MYZAP: variants seen among roughly 807,000 people sequenced by gnomAD.
The protein encoded by MYZAP is GRINL1A complex locus upstream.
In MYZAP, 66 loss-of-function variants were observed where a neutral mutation model predicts 69.4. The ratio of observed to expected loss-of-function variants is 0.95; its 90% CI spans 0.78 to 1.17. The LOEUF is 1.17. MYZAP is among the 50% of genes most tolerant of loss of function. MYZAP has a pLI of 0.00. For missense variants in MYZAP, 611 were observed against 556.2 expected, an observed-to-expected ratio of 1.10 and a Z score of -0.99; for synonymous variants, 256 against 205.9, an observed-to-expected ratio of 1.24 and a Z score of -2.09.
chr15:57,595,813 C>G (rs374161699), intron 1 of MYZAP, among the ~76,000 whole-genome samples: 4 of 152,308 alleles, frequency 2.6e-5, no homozygotes, highest in Non-Finnish European at 1.5e-5. Context: ...CTAGCCTGCC[C>G]TTGCTGATAT....
intron 10 of MYZAP, among the ~76,000 whole-genome samples, chr15:57,650,066 C>A (rs1328518331): frequency 6.6e-6 from 1 of 152,126 alleles, no homozygotes; most frequent in Non-Finnish European, 1.5e-5. Context: ...AATAATGATC[C>A]ATGTAGAATT....
At chr15:57,660,357 C>A (rs2038225189) in intron 10 of MYZAP, among the ~76,000 whole-genome samples, 1 of 152,180 alleles carries the variant, frequency 6.6e-6, no homozygotes, top group African/African-American at 2.4e-5. Context: ...CTTTGTCACC[C>A]AGGCTAGGGT....
chr15:57,655,093 G>T (rs545377037), intron 10 of MYZAP, among the ~76,000 whole-genome samples: 1 of 152,274 alleles, frequency 6.6e-6, no homozygotes, highest in East Asian at 1.9e-4. Flanking sequence ...AACAGGGGTA[G>T]GTTCAAAGGC....
intron 1 of MYZAP, among the ~76,000 whole-genome samples, chr15:57,597,977 A>G (rs1289804446): frequency 3.3e-5 from 5 of 152,216 alleles, no homozygotes; most frequent in Non-Finnish European, 7.3e-5. Context: ...CACAGTCACA[A>G]AGTGGAACAG....
At chr15:57,682,032 G>A (rs2039472389) in intron 12 of MYZAP, among the ~76,000 whole-genome samples, 1 of 152,124 alleles carries the variant, frequency 6.6e-6, no homozygotes, top group African/African-American at 2.4e-5. Context: ...GTTGGGATAA[G>A]GAATGTAGCT....
In MYZAP at chr15:57,644,325, C is replaced by G. The variant is rs968947090; in HGVS notation, c.1119+4780C>G. 5.9e-5 allele frequency among the ~76,000 whole-genome samples: 9 copies of G among 152,270 alleles called. No homozygotes were observed. In the East Asian group the frequency reaches 1.3e-3, roughly 23 times the overall value. On this transcript the variant is annotated intron_variant, in intron 10 of 12. Coordinates refer to ENST00000267853, the MANE Select transcript of MYZAP (RefSeq NM_001018100.5). The stretch of plus-strand genomic sequence containing the variant: ...AGCCAGGGAGACAGTCACCAGGGAC[C>G]AGGAGCACAGAAGTGAGAAAGCTGG...
At position 57,604,275 on chromosome 15, in the gene MYZAP, G is replaced by A; in HGVS notation, c.82G>A (p.Val28Ile). The change falls in exon 2 of 13, where the codon GTT becomes ATT. Residue 28 changes from valine to isoleucine, a missense_variant. By Grantham distance (29) the Val-to-Ile change is conservative (BLOSUM62 3). Coordinates refer to ENST00000267853, the MANE Select transcript of MYZAP (RefSeq NM_001018100.5). ...TPGAPSRRAN[V>I]CRLRLTVPPE... ...TCCTTTCCCTCTCTTCTAGGCAAAT[G>A]TTTGCAGACTACGGCTGACCGTACC... The A allele has an allele frequency of 1.2e-6, 2 of 1,614,194 alleles. No homozygotes were observed. The highest frequency in any genetic ancestry group is 1.1e-5 in the South Asian group (1 of 91,078).
intron 8 of MYZAP, among the ~76,000 whole-genome samples, chr15:57,636,802 G>A (rs1323631840): frequency 4.6e-5 from 7 of 152,124 alleles, no homozygotes; most frequent in African/African-American, 1.2e-4. Flanking sequence ...CAAAGTGCAC[G>A]GCTTAGTGCG....
chr15:57,643,977 G>A (rs777550127), intron 10 of MYZAP, among the ~76,000 whole-genome samples: 5 of 152,192 alleles, frequency 3.3e-5, no homozygotes, highest in Non-Finnish European at 5.9e-5. Context: ...AAGTGCAAAG[G>A]TGCAAGGAAT....
chr15:57,591,989 C>G lies in MYZAP; in HGVS notation c.-46C>G, dbSNP rs976399795. 6.4e-6 allele frequency: 9 copies of G among 1,404,668 alleles called. No homozygotes were observed. Among genetic ancestry groups the G allele is most frequent in the Admixed American group, 5.8e-5 (2 of 34,404 alleles). 87.0% of individuals were successfully genotyped at this position (1,404,668 alleles called of 1,614,324 possible). A position where few individuals can be genotyped will look rare whatever the true frequency, so the allele number is the denominator to read the frequency against. On this transcript the variant is annotated 5_prime_UTR_variant, in exon 1 of 13. Coordinates refer to ENST00000267853, the MANE Select transcript of MYZAP (RefSeq NM_001018100.5). The stretch of plus-strand genomic sequence containing the variant: ...GCGGGCCCCGCACGCTTATTCTGCC[C>G]GGGAGGAACGCCGGCGTCCAGCCCG...
chr15:57,630,606 A>T (rs1040538884), intron 6 of MYZAP, among the ~76,000 whole-genome samples: 15 of 152,284 alleles, frequency 9.9e-5, no homozygotes, highest in African/African-American at 3.6e-4. Context: ...TTGGCCCCCT[A>T]GGCTGGGAGC....
At chr15:57,620,304 T>A in intron 3 of MYZAP, among the ~76,000 whole-genome samples, 1 of 152,202 alleles carries the variant, frequency 6.6e-6, no homozygotes, top group East Asian at 1.9e-4. Context: ...TAAAACAATG[T>A]GCTTCAAAAT....
At chr15:57,664,930 A>G (rs182659827) in intron 11 of MYZAP, among the ~76,000 whole-genome samples, 5 of 152,192 alleles carry the variant, frequency 3.3e-5, no homozygotes, top group African/African-American at 1.2e-4. Flanking sequence ...ATGATGATTA[A>G]ATATGTTAAT....
At position 57,596,737 on chromosome 15, in the gene MYZAP, G is replaced by C. The variant is rs901503454; in HGVS notation, c.75+4628G>C. 5.3e-5 allele frequency among the ~76,000 whole-genome samples: 8 copies of C among 152,222 alleles called. No individual in the cohort carries two copies. The East Asian group carries it at 1.5e-3, about 29-fold the overall frequency. On this transcript the variant is annotated intron_variant, in intron 1 of 12. Transcript: ENST00000267853. ...TGTGCTGTTTCCCCTCCCTATATGT[G>C]GTCTTCTCAGATATTCCAAATCGTT...
At chr15:57,593,214 A>ACACACACACACACACACACACACCC (rs1172761785) in intron 1 of MYZAP, among the ~76,000 whole-genome samples, 1 of 141,346 alleles carries the variant, frequency 7.1e-6, no homozygotes, top group African/African-American at 2.8e-5. Flanking sequence ...ACACACACAC[A>ACACACACACACACACACACACACCC]CCCCAGAATC....
intron 10 of MYZAP, among the ~76,000 whole-genome samples, chr15:57,643,308 A>G (rs1455240292): frequency 6.6e-6 from 1 of 152,150 alleles, no homozygotes; most frequent in East Asian, 1.9e-4. Context: ...GCTGGCACGG[A>G]TCTTACCCAC....
chr15:57,668,770 T>C (rs2038718907), intron 11 of MYZAP, among the ~76,000 whole-genome samples: 1 of 152,008 alleles, frequency 6.6e-6, no homozygotes, highest in Non-Finnish European at 1.5e-5. Context: ...GGAAGAGTTC[T>C]TTATATATTC....
intron 5 of MYZAP, among the ~76,000 whole-genome samples, chr15:57,629,109 A>G (rs2036340960): frequency 6.7e-6 from 1 of 148,210 alleles, no homozygotes; most frequent in East Asian, 2.0e-4. Flanking sequence ...AAAAAAAAAG[A>G]AAAAGAATAA....
At chr15:57,616,365 C>G (rs1229070741) in intron 2 of MYZAP, among the ~76,000 whole-genome samples, 2 of 152,108 alleles carry the variant, frequency 1.3e-5, no homozygotes, top group African/African-American at 4.8e-5. Flanking sequence ...ATTGGCTGGG[C>G]GCAGTGGCTC....
Sources: allele counts gnomAD v4.1 joint callset (sites outside exome capture counted in the v4.1 genomes callset), GRCh38; gene constraint gnomAD v4.1.1; transcripts MANE v1.5; gene names NCBI Gene and HGNC (gene_info 2026-07-23, HGNC 2026-07-21).